The following FHIT variants were observed in gnomAD, a reference collection of about 807,000 sequenced individuals.
The protein encoded by FHIT is bis(5'-adenosyl)-triphosphatase.
A neutral mutation model predicts 17.9 loss-of-function variants in FHIT; 19 were observed. The observed-to-expected ratio is 1.06, with a 90% CI of 0.74 to 1.56. The LOEUF is 1.56. Ranked by LOEUF, FHIT falls within the 40% of genes most tolerant of loss-of-function variation. The pLI is 0.00. For synonymous variants in FHIT, 81 were observed against 69.7 expected (o/e 1.16, Z -0.81); for missense variants, 248 against 189.2 (o/e 1.31, Z -1.82).
intron 4 of FHIT, among the ~76,000 whole-genome samples, chr3:60,724,521 A>C (rs1273603183): frequency 2.6e-5 from 4 of 152,130 alleles, no homozygotes; most frequent in Non-Finnish European, 5.9e-5. Context: ...TGGGTCATAC[A>C]TATGTTTAAC....
intron 3 of FHIT, among the ~76,000 whole-genome samples, chr3:60,924,806 T>A (rs1182693262): frequency 6.6e-6 from 1 of 151,944 alleles, no homozygotes; most frequent in Non-Finnish European, 1.5e-5. Flanking sequence ...GTAAAAAACC[T>A]TGAAAAAAAA....
chr3:60,289,662 A>G (rs189303290), intron 5 of FHIT, among the ~76,000 whole-genome samples: 1 of 152,292 alleles, frequency 6.6e-6, no homozygotes, highest in African/African-American at 2.4e-5. Flanking sequence ...ACAAGCTAAA[A>G]CCTGAAGCTG....
intron 8 of FHIT, among the ~76,000 whole-genome samples, chr3:59,790,075 T>C (rs550259302): frequency 1.3e-5 from 2 of 152,314 alleles, no homozygotes; most frequent in East Asian, 3.9e-4. Context: ...AGCAGCGAAA[T>C]TCCTCTCCCC....
At chr3:60,622,798 T>G (rs1404041191) in intron 4 of FHIT, among the ~76,000 whole-genome samples, 1 of 152,200 alleles carries the variant, frequency 6.6e-6, no homozygotes, top group African/African-American at 2.4e-5. Flanking sequence ...GCATCAAGGT[T>G]TGAAACAATA....
chr3:60,962,710 C>G (rs782020769), intron 3 of FHIT, among the ~76,000 whole-genome samples: 8 of 152,120 alleles, frequency 5.3e-5, no homozygotes, highest in Non-Finnish European at 1.2e-4. Flanking sequence ...GTCTTTGGTT[C>G]TGTTTATATG....
chr3:60,396,135 C>A (rs1701430603), intron 5 of FHIT, among the ~76,000 whole-genome samples: 1 of 152,152 alleles, frequency 6.6e-6, no homozygotes, highest in African/African-American at 2.4e-5. Context: ...GTTCAGTCTA[C>A]CTCTGGTGCC....
chr3:59,759,788 C>T (rs1052110715), intron 8 of FHIT, among the ~76,000 whole-genome samples: 16 of 152,234 alleles, frequency 1.1e-4, no homozygotes, highest in Admixed American at 4.6e-4. Context: ...CTGGCGCCCA[C>T]GCTGGACTTT....
chr3:59,839,766 G>T lies in FHIT; in HGVS notation c.348+82580C>A, dbSNP rs1025440023. 7.2e-5 allele frequency among the ~76,000 whole-genome samples: 11 copies of T among 152,112 alleles called. No individual in the cohort carries two copies. In the East Asian group the frequency reaches 2.1e-3, roughly 29 times the overall value. ...ACCTGTTTCCTTACCAGGATTCAGA[G>T]GATCACAGATACTAGAGATGAAGGA... On this transcript the variant is annotated intron_variant, in intron 8 of 9. Coordinates refer to ENST00000492590, the MANE Select transcript of FHIT (RefSeq NM_002012.4).
At chr3:61,089,389 G>A (rs1407338955) in intron 2 of FHIT, among the ~76,000 whole-genome samples, 2 of 152,074 alleles carry the variant, frequency 1.3e-5, no homozygotes, top group Non-Finnish European at 2.9e-5. Context: ...TACATTCCCC[G>A]ATTCCTTCTT....
intron 5 of FHIT, among the ~76,000 whole-genome samples, chr3:60,067,153 T>C (rs1044128226): frequency 2.6e-5 from 4 of 152,164 alleles, no homozygotes; most frequent in African/African-American, 9.7e-5. Flanking sequence ...CATGAGTCTC[T>C]ATTCCTTTGC....
chr3:60,916,877 A>G (rs1707031847), intron 3 of FHIT, among the ~76,000 whole-genome samples: 1 of 152,228 alleles, frequency 6.6e-6, no homozygotes, highest in Non-Finnish European at 1.5e-5. Context: ...GAGTATTAAA[A>G]GGAAGAGAAT....
intron 4 of FHIT, among the ~76,000 whole-genome samples, chr3:60,680,124 T>C (rs547119275): frequency 3.0e-4 from 46 of 152,338 alleles, no homozygotes; most frequent in Non-Finnish European, 5.9e-4. Flanking sequence ...TTCTGGATGA[T>C]GCCACACTAT....
At chr3:59,798,876 G>A (rs1440154348) in intron 8 of FHIT, among the ~76,000 whole-genome samples, 2 of 152,202 alleles carry the variant, frequency 1.3e-5, no homozygotes, top group Non-Finnish European at 2.9e-5. Context: ...AGAGAGTAAG[G>A]GCTATTCTTC....
chr3:60,819,931 G>T (rs1337021916), intron 4 of FHIT, among the ~76,000 whole-genome samples: 2 of 152,280 alleles, frequency 1.3e-5, no homozygotes, highest in South Asian at 2.1e-4. Context: ...ATAGTCTACA[G>T]TCCTTTTTGT....
chr3:60,828,794 G>T (rs572462887), intron 3 of FHIT, among the ~76,000 whole-genome samples: 1 of 152,212 alleles, frequency 6.6e-6, no homozygotes, highest in African/African-American at 2.4e-5. Context: ...AGGAGATTCA[G>T]TTCAACCCGG....
intron 7 of FHIT, among the ~76,000 whole-genome samples, chr3:59,986,921 T>C (rs1355601679): frequency 5.8e-5 from 7 of 120,916 alleles, no homozygotes; most frequent in African/African-American, 2.2e-4. Flanking sequence ...TAAAAATATA[T>C]GTACGTATGT....
At chr3:59,755,904 GAGTT>G (rs545685245) in intron 8 of FHIT, among the ~76,000 whole-genome samples, 3 of 151,936 alleles carry the variant, frequency 2.0e-5, no homozygotes, top group South Asian at 4.2e-4. Flanking sequence ...AAGAAGGCGA[GAGTT>G]AGTTAGGTCT....
chr3:60,562,884 A>C (rs2594273), intron 4 of FHIT, among the ~76,000 whole-genome samples: 1 of 152,208 alleles, frequency 6.6e-6, no homozygotes, highest in African/African-American at 2.4e-5. Flanking sequence ...AGGCATAGAC[A>C]AGGGCTGCTA....
chr3:60,486,628 A>G (rs896638266), intron 5 of FHIT, among the ~76,000 whole-genome samples: 9 of 152,186 alleles, frequency 5.9e-5, no homozygotes. Context: ...TCCATTAATT[A>G]TTGAAGGTAA....
Sources: gnomAD v4.1 joint callset for allele counts (sites outside exome capture counted in the v4.1 genomes callset) on GRCh38, gnomAD v4.1.1 for gene constraint, MANE v1.5 for transcripts, NCBI Gene and HGNC (gene_info 2026-07-23, HGNC 2026-07-21) for gene names.